Variants in OR2L13 observed in about 807,000 individuals in gnomAD.
The protein encoded by OR2L13 is olfactory receptor 2L13.
OR2L13 carries 14 observed loss-of-function variants against 15.3 expected under a neutral mutation model. That is an observed-to-expected ratio of 0.91 (90% CI 0.60 to 1.43). The LOEUF is 1.43. Ranked by LOEUF, OR2L13 falls within the 40% of genes most tolerant of loss-of-function variation. OR2L13 has a pLI of 0.00. For synonymous variants in OR2L13, 152 were observed against 142.9 expected (o/e 1.06, Z -0.45); for missense variants, 367 against 387.9 (o/e 0.95, Z 0.45).
At chr1:247,986,933 A>G in the OR2L13 span, among the ~76,000 whole-genome samples, 1 of 152,206 alleles carries the variant, frequency 6.6e-6, no homozygotes, top group African/African-American at 2.4e-5. Flanking sequence ...ATCTATAAAT[A>G]CAGGATATAT....
At chr1:247,944,562 G>A in the OR2L13 span, among the ~76,000 whole-genome samples, 5 of 152,124 alleles carry the variant, frequency 3.3e-5, no homozygotes, top group African/African-American at 1.2e-4. Flanking sequence ...TGCAGTGTTT[G>A]CTTTTCTGTT....
At chr1:248,016,630 T>C in the OR2L13 span, among the ~76,000 whole-genome samples, 1 of 152,080 alleles carries the variant, frequency 6.6e-6, no homozygotes, top group Non-Finnish European at 1.5e-5. Flanking sequence ...AATTAAAAAG[T>C]GAGTCAGCCT....
the OR2L13 span, among the ~76,000 whole-genome samples, chr1:248,079,767 G>T: frequency 1.2e-3 from 185 of 152,256 alleles, no homozygotes; most frequent in African/African-American, 4.3e-3. Context: ...AATTGGAAAA[G>T]AATTACAATG....
the OR2L13 span, among the ~76,000 whole-genome samples, chr1:247,970,258 C>T: frequency 3.9e-5 from 6 of 152,022 alleles, no homozygotes; most frequent in Admixed American, 6.6e-5. Flanking sequence ...TAAAACATGA[C>T]ATTTGCCTGT....
chr1:248,042,912 C>T, the OR2L13 span, among the ~76,000 whole-genome samples: 1 of 152,052 alleles, frequency 6.6e-6, no homozygotes, highest in African/African-American at 2.4e-5. Flanking sequence ...ATAAATTCAT[C>T]GTAATTAAAC....
the OR2L13 span, among the ~76,000 whole-genome samples, chr1:248,053,544 T>C: frequency 2.0e-5 from 3 of 152,216 alleles, no homozygotes; most frequent in African/African-American, 7.2e-5. Flanking sequence ...TCTTCCACGA[T>C]GGGTGAACTA....
upstream of OR2L13, among the ~76,000 whole-genome samples, chr1:248,092,038 A>G (rs1289354372): frequency 6.6e-6 from 1 of 152,122 alleles, no homozygotes; most frequent in Non-Finnish European, 1.5e-5. Context: ...TTTCATGGCC[A>G]TAGTGAATAG....
chr1:247,945,609 G>A, the OR2L13 span, among the ~76,000 whole-genome samples: 2 of 152,006 alleles, frequency 1.3e-5, no homozygotes, highest in African/African-American at 2.4e-5. Flanking sequence ...AAAGTCTCCC[G>A]CTATTATTGT....
chr1:248,070,544 C>G, the OR2L13 span, among the ~76,000 whole-genome samples: 1 of 151,712 alleles, frequency 6.6e-6, no homozygotes, highest in South Asian at 2.1e-4. Context: ...AAATTGACAC[C>G]CTAACATCAC....
the OR2L13 span, among the ~76,000 whole-genome samples, chr1:248,000,119 T>TA: frequency 9.7e-3 from 1,460 of 151,034 alleles, 28 homozygotes; most frequent in African/African-American, 0.034. Flanking sequence ...CTTTTTTTTT[T>TA]TTTGGTGTGT....
At chr1:248,085,834 G>A in the OR2L13 span, among the ~76,000 whole-genome samples, 1 of 152,020 alleles carries the variant, frequency 6.6e-6, no homozygotes, top group Non-Finnish European at 1.5e-5. Context: ...TTCTCATAAG[G>A]AGCATGCGAT....
chr1:247,956,290 T>A, the OR2L13 span, among the ~76,000 whole-genome samples: 41,928 of 151,500 alleles, frequency 0.28, 6,215 homozygotes, highest in South Asian at 0.42. Flanking sequence ...TCTCTTCTGT[T>A]CCATTGGTCT....
At chr1:248,009,226 A>G in the OR2L13 span, among the ~76,000 whole-genome samples, 6 of 152,158 alleles carry the variant, frequency 3.9e-5, no homozygotes, top group East Asian at 3.8e-4. Flanking sequence ...CAAAAAATCA[A>G]TGAATCCAGG....
the OR2L13 span, among the ~76,000 whole-genome samples, chr1:248,012,103 C>G: frequency 6.6e-6 from 1 of 152,132 alleles, no homozygotes; most frequent in African/African-American, 2.4e-5. Flanking sequence ...CAGAATAAAT[C>G]AAGTTGTGAA....
At chr1:248,064,188 A>G in the OR2L13 span, among the ~76,000 whole-genome samples, 1 of 152,148 alleles carries the variant, frequency 6.6e-6, no homozygotes, top group Non-Finnish European at 1.5e-5. Flanking sequence ...CCTCAATGTC[A>G]TAGTATTAGG....
chr1:248,038,536 C>G, the OR2L13 span: 5 of 1,614,200 alleles, frequency 3.1e-6, no homozygotes, highest in South Asian at 5.5e-5. Flanking sequence ...GGAAACAAGT[C>G]TATCTCCTTC....
chr1:248,028,140 CAAAAAAAAAAA>C, the OR2L13 span, among the ~76,000 whole-genome samples: 102 of 37,796 alleles, frequency 2.7e-3, 1 homozygote, highest in South Asian at 6.1e-3. Context: ...GATTCCGTCT[CAAAAAAAAAAA>C]AAAAAAAAAA....
chr1:248,020,717 A>G, the OR2L13 span, among the ~76,000 whole-genome samples: 1 of 152,124 alleles, frequency 6.6e-6, no homozygotes, highest in East Asian at 1.9e-4. Flanking sequence ...TAGAAGAACC[A>G]AATAATGATG....
At chr1:248,099,742 T>C in exon 3 of OR2L13, 1 of 1,614,186 alleles carries the variant, frequency 6.2e-7, no homozygotes, top group Non-Finnish European at 8.5e-7. Flanking sequence ...CGACCGTTAT[T>C]TGGCCATCTG....
Sources: allele counts gnomAD v4.1 joint callset (sites outside exome capture counted in the v4.1 genomes callset), GRCh38; gene constraint gnomAD v4.1.1; transcripts MANE v1.5; gene names NCBI Gene and HGNC (gene_info 2026-07-23, HGNC 2026-07-21).